Variants in RELCH observed in about 807,000 individuals in gnomAD.
RELCH encodes the protein RAB11 binding and LisH domain, coiled-coil and HEAT repeat containing.
Under a neutral mutation model 150.3 loss-of-function variants are expected in RELCH, and 41 were observed. The ratio of observed to expected loss-of-function variants is 0.27; its 90% CI spans 0.21 to 0.35. The LOEUF (loss-of-function observed/expected upper bound fraction) is 0.35. RELCH is among the 10% of genes least tolerant of loss of function. RELCH has a pLI of 1.00. For missense variants in RELCH, 1,092 were observed against 1,467.8 expected, an observed-to-expected ratio of 0.74 and a Z score of 4.18; for synonymous variants, 478 against 531.8, an observed-to-expected ratio of 0.90 and a Z score of 1.39.
intron 1 of RELCH, 21 bp from the exon 2 acceptor site, chr18:62,211,132 T>C (rs994535274): frequency 2.9e-6 from 4 of 1,372,392 alleles, no homozygotes; most frequent in Non-Finnish European, 4.0e-6. Flanking sequence ...TAAAAAACTT[T>C]TATATTTCTC....
rs1450860115 is a variant in RELCH, at chr18:62,227,438, T to C, written c.1008T>C (p.Leu336=). Residue 336 remains leucine (L), a synonymous_variant, in exon 6 of 29, where the codon CTT becomes CTC. Transcript: ENST00000644646. ...TAGAAGAAGATGAATTAGAGGCCCT[T>C]ACACCAATTATAAGCAACCTTCCTC... The part of the protein sequence containing the change: ...SGVEEDELEA[L]TPIISNLPPT... The C allele has an allele frequency of 3.1e-6, 5 of 1,613,246 alleles. No individual in the cohort carries two copies. The Admixed American group carries it at 5.0e-5, about 16-fold the overall frequency.
In RELCH at chr18:62,187,444, G is replaced by A. The variant is rs1264562190; in HGVS notation, c.-62G>A. 1.4e-6 allele frequency: 2 copies of A among 1,476,670 alleles called. No individual in the cohort carries two copies. Among genetic ancestry groups the A allele is most frequent in the East Asian group, 4.6e-5 (2 of 43,246 alleles). The allele number at this position is 1,476,670 out of a possible 1,614,324, so 91.5% of individuals were successfully genotyped here. The stretch of plus-strand genomic sequence containing the variant: ...TGCGCTGTGTCCCCTGAGGCCTAGA[G>A]GATTCGGGCTGCGGCCCGTCGGAAC... On this transcript the variant is annotated 5_prime_UTR_variant, in exon 1 of 29. Coordinates refer to ENST00000644646, the MANE Select transcript of RELCH (RefSeq NM_001346231.2).
chr18:62,195,280 C>CTGTGTGTGTGTGTGTGTGTGTGTGTG (rs148387504), intron 1 of RELCH, among the ~76,000 whole-genome samples: 4 of 136,230 alleles, frequency 2.9e-5, no homozygotes, highest in Non-Finnish European at 5.0e-5. Flanking sequence ...TACACACACT[C>CTGTGTGTGTGTGTGTGTGTGTGTGTG]TGTGTGTGTG....
intron 1 of RELCH, among the ~76,000 whole-genome samples, chr18:62,197,675 C>T (rs148461678): frequency 5.1e-4 from 78 of 152,224 alleles, no homozygotes; most frequent in African/African-American, 1.9e-3. Context: ...ATACCCATTA[C>T]AATTGAATAT....
intron 28 of RELCH, among the ~76,000 whole-genome samples, chr18:62,299,220 A>G (rs1420773970): frequency 1.3e-5 from 2 of 152,208 alleles, no homozygotes; most frequent in South Asian, 2.1e-4. Flanking sequence ...TGTAAGATGA[A>G]CAACGTACTG....
intron 10 of RELCH, among the ~76,000 whole-genome samples, chr18:62,232,890 A>C (rs2041666086): frequency 6.6e-6 from 1 of 152,066 alleles, no homozygotes; most frequent in African/African-American, 2.4e-5. Flanking sequence ...GCCGATTATA[A>C]ATGTGTTATT....
intron 25 of RELCH, among the ~76,000 whole-genome samples, chr18:62,282,801 G>C (rs2044588435): frequency 6.6e-6 from 1 of 152,096 alleles, no homozygotes; most frequent in Non-Finnish European, 1.5e-5. Context: ...GGGATTACAG[G>C]TGCCCACCAC....
At chr18:62,198,936 C>G (rs1167475089) in intron 1 of RELCH, among the ~76,000 whole-genome samples, 1 of 151,860 alleles carries the variant, frequency 6.6e-6, no homozygotes, top group East Asian at 1.9e-4. Context: ...AAAGTTATCC[C>G]TTTAGTTTTG....
rs1398465924 is a variant in RELCH at position 62,187,541 on chromosome 18, T to TGGC, written c.41_43dup (p.Gly14dup). On this transcript the variant is annotated inframe_insertion, in exon 1 of 29. Transcript: ENST00000644646. ...TGGCGCCTGGAGGTAGTGGCAGTGG[T>TGGC]GGCGGCGTGAATCCATTTCTCAGTG... 6.6e-7 allele frequency: 1 copy of TGGC among 1,514,488 alleles called. No individual in the cohort carries two copies. Among genetic ancestry groups the TGGC allele is most frequent in the Admixed American group, 2.3e-5 (1 of 44,244 alleles). 93.8% of individuals were successfully genotyped at this position (1,514,488 alleles called of 1,614,324 possible). A position where few individuals can be genotyped will look rare whatever the true frequency, so the allele number is the denominator to read the frequency against.
At chr18:62,284,789 T>A (rs971077680) in intron 25 of RELCH, among the ~76,000 whole-genome samples, 1 of 152,204 alleles carries the variant, frequency 6.6e-6, no homozygotes, top group Non-Finnish European at 1.5e-5. Context: ...CATTAGTTCT[T>A]TCAGTGGCCC....
rs1171233306 is a variant in RELCH at position 62,263,978 on chromosome 18, T to C, written c.2351-11T>C. 1 of 1,600,750 alleles carries C rather than the reference T, an allele frequency of 6.2e-7. No individual in the cohort carries two copies. Among genetic ancestry groups the C allele is most frequent in the Admixed American group, 1.7e-5 (1 of 57,460 alleles). Reference sequence around the variant, plus strand: ...TTTCCATATGATTTATTTTGCTTCTTTTATGTGTAGTGACTAGGTTTCCTC... The same window carrying C: ...TTTCCATATGATTTATTTTGCTTCTCTTATGTGTAGTGACTAGGTTTCCTC... On this transcript the variant is annotated splice_polypyrimidine_tract_variant and intron_variant, in intron 16 of 28. Coordinates refer to ENST00000644646, the MANE Select transcript of RELCH (RefSeq NM_001346231.2).
Position 62,199,026 on chromosome 18 carries a change from CAT to C in RELCH, c.526+10996_526+10997del, listed in dbSNP as rs374628380. 7.1e-4 allele frequency among the ~76,000 whole-genome samples: 108 copies of C among 151,252 alleles called. No homozygotes were observed. In the East Asian group the frequency reaches 0.014, roughly 20 times the overall value. On this transcript the variant is annotated intron_variant, in intron 1 of 28. Coordinates refer to ENST00000644646, the MANE Select transcript of RELCH (RefSeq NM_001346231.2). ...ACATTGTTTCATTTTTCCCTTGAAA[CAT>C]GTGTTATATTTTCTTGAATATTTAT...
At chr18:62,225,033 A>G (rs2041122043) in intron 5 of RELCH, among the ~76,000 whole-genome samples, 1 of 152,122 alleles carries the variant, frequency 6.6e-6, no homozygotes, top group Non-Finnish European at 1.5e-5. Flanking sequence ...ATGAAACAGA[A>G]TAGAATCCAG....
At chr18:62,269,287 A>G in intron 20 of RELCH, 2 of 286,170 alleles carry the variant, frequency 7.0e-6, no homozygotes, top group South Asian at 6.4e-5. Context: ...GCTACAAAGC[A>G]CTGTAGAACA....
Position 62,258,661 on chromosome 18 carries a change from T to A in RELCH, c.2187T>A (p.Ile729=). ...TTATACTTACACTACTGAACAAGAT[T>A]GAAAAACTTCTCAGGGTAAGTTCTT... ...SHLILTLLNK[I]EKLLREGEHG... The change falls in exon 15 of 29, where the codon ATT becomes ATA. Residue 729 remains isoleucine, a synonymous_variant. Transcript: ENST00000644646. The A allele has an allele frequency of 6.3e-7, 1 of 1,585,608 alleles. No individual in the cohort carries two copies. Among genetic ancestry groups the A allele is most frequent in the South Asian group, 1.2e-5 (1 of 85,624 alleles).
intron 2 of RELCH, among the ~76,000 whole-genome samples, chr18:62,220,126 ACT>A (rs2040757085): frequency 6.6e-6 from 1 of 152,030 alleles, no homozygotes; most frequent in Non-Finnish European, 1.5e-5. Flanking sequence ...TCATAATCAC[ACT>A]CTGTGATAAT....
intron 28 of RELCH, among the ~76,000 whole-genome samples, chr18:62,304,208 A>G (rs1235597189): frequency 6.6e-6 from 1 of 152,236 alleles, no homozygotes; most frequent in South Asian, 2.1e-4. Context: ...ATGCGATTCA[A>G]TTTGAAACTT....
intron 1 of RELCH, among the ~76,000 whole-genome samples, chr18:62,199,193 A>G (rs577854187): frequency 6.6e-6 from 1 of 151,258 alleles, no homozygotes; most frequent in South Asian, 2.1e-4. Flanking sequence ...TCCTGTTTAT[A>G]TTCCTGCCTT....
intron 27 of RELCH, among the ~76,000 whole-genome samples, 200 bp downstream of exon 27, chr18:62,291,831 T>A (rs907065102): frequency 6.6e-6 from 1 of 152,202 alleles, no homozygotes; most frequent in African/African-American, 2.4e-5. Context: ...TTGTCTACAG[T>A]AGGGATAATA....
Sources: gnomAD v4.1 joint callset for allele counts (sites outside exome capture counted in the v4.1 genomes callset) on GRCh38, gnomAD v4.1.1 for gene constraint, MANE v1.5 for transcripts, NCBI Gene and HGNC (gene_info 2026-07-23, HGNC 2026-07-21) for gene names.